Variants in TAF5L observed in about 807,000 individuals in gnomAD.
TAF5L encodes TATA-box binding protein associated factor 5 like.
Under a neutral mutation model 51.3 loss-of-function variants are expected in TAF5L, and 7 were observed. The ratio of observed to expected loss-of-function variants is 0.14; its 90% CI spans 0.08 to 0.26. The LOEUF (loss-of-function observed/expected upper bound fraction) is 0.26, where lower values mean the gene tolerates loss of function less well. Ranked by LOEUF, TAF5L falls within the 10% of genes least tolerant of loss-of-function variation. The pLI, the probability that TAF5L is intolerant of heterozygous loss-of-function variation, is 1.00. For synonymous variants in TAF5L, 291 were observed against 308.1 expected, an observed-to-expected ratio of 0.94 and a Z score of 0.58; for missense variants, 575 against 758.9, an observed-to-expected ratio of 0.76 and a Z score of 2.85.
chr1:229,611,917 G>A (rs1285449772), intron 2 of TAF5L, among the ~76,000 whole-genome samples: 2 of 152,136 alleles, frequency 1.3e-5, no homozygotes, highest in Admixed American at 1.3e-4. Flanking sequence ...GAATCACAAG[G>A]CCTTTTGGGG....
intron 3 of TAF5L, chr1:229,606,439 G>A (rs1215425872): frequency 4.1e-6 from 4 of 985,180 alleles, no homozygotes; most frequent in Non-Finnish European, 2.4e-6. Flanking sequence ...CTCTACTGGC[G>A]GTAAATGAGA....
chr1:229,599,942 A>G, intron 4 of TAF5L: 2 of 985,438 alleles, frequency 2.0e-6, no homozygotes, highest in Non-Finnish European at 2.4e-6. Flanking sequence ...GTGATTTTGT[A>G]CTTTCTATCA....
chr1:229,596,704 A>G (rs1209622678), intron 4 of TAF5L, among the ~76,000 whole-genome samples: 1 of 152,208 alleles, frequency 6.6e-6, no homozygotes, highest in African/African-American at 2.4e-5. Context: ...TTATTCCCAC[A>G]TAGATAAACT....
exon 5 of TAF5L, chr1:229,593,568 G>A (rs1448292401): frequency 6.6e-6 from 1 of 151,876 alleles, no homozygotes; most frequent in African/African-American, 2.4e-5. Flanking sequence ...TGTCAGCCAG[G>A]GTGATCAATC....
Position 229,602,555 on chromosome 1 carries a change from T to A in TAF5L, c.612A>T (p.Arg204Ser). 6.2e-7 allele frequency: 1 copy of A among 1,614,180 alleles called. No homozygotes were observed. Among genetic ancestry groups the A allele is most frequent in the Non-Finnish European group, 8.5e-7 (1 of 1,180,012 alleles). The change falls in exon 4 of 5, where the codon AGA becomes AGT. Residue 204 changes from arginine (R) to serine (S), a missense_variant. Physicochemically the swap from Arg to Ser is moderately radical, Grantham distance 110. This residue lies in a region of TAF5L where 380 missense variants were observed against 443.7 expected (regional missense o/e 0.86). Coordinates refer to ENST00000258281, the Ensembl canonical transcript of TAF5L. This position sits in a 1 kb window ranked among gnomAD's most constrained non-coding sequence, Gnocchi z 4.6. ...CACTGGCATACAGCTGATAGTCTGT[T>A]CTCTTGGCAGGCTGCACGTCAAGAT...
At chr1:229,605,299 C>T (rs1398793273) in intron 3 of TAF5L, among the ~76,000 whole-genome samples, 1 of 152,122 alleles carries the variant, frequency 6.6e-6, no homozygotes, top group Non-Finnish European at 1.5e-5. Context: ...GTATTGTTAA[C>T]TTTACCTCAC....
chr1:229,612,988 A>AT (rs75367032), intron 2 of TAF5L, among the ~76,000 whole-genome samples: 42,338 of 151,658 alleles, frequency 0.28, 6,149 homozygotes, highest in South Asian at 0.41. Flanking sequence ...TATCCCAGCA[A>AT]TTTTTTTCCC....
intron 2 of TAF5L, 100 bp downstream of exon 2, chr1:229,614,241 T>A (rs781699246): frequency 3.7e-6 from 6 of 1,606,128 alleles, no homozygotes; most frequent in Non-Finnish European, 5.1e-6. Flanking sequence ...GTCTGCTCTC[T>A]CTGGCACTGT....
At chr1:229,595,182 AAGT>A in intron 4 of TAF5L, 88 bp from the exon 5 acceptor site, 1 of 1,406,248 alleles carries the variant, frequency 7.1e-7, no homozygotes, top group Non-Finnish European at 9.6e-7. Flanking sequence ...GGAGAAAAAA[AAGT>A]AGAGAACTGA....
At chr1:229,599,290 C>A in intron 4 of TAF5L, 1 of 669,376 alleles carries the variant, frequency 1.5e-6, no homozygotes, top group Non-Finnish European at 1.8e-6. Context: ...TTTTTTTAAA[C>A]TGAGATATAA....
At chr1:229,616,111 T>C (rs1191128088) in intron 1 of TAF5L, among the ~76,000 whole-genome samples, 2 of 152,088 alleles carry the variant, frequency 1.3e-5, no homozygotes, top group African/African-American at 4.8e-5. Context: ...ACCTCCTGGG[T>C]TCAAGTGATT....
intron 3 of TAF5L, among the ~76,000 whole-genome samples, chr1:229,608,807 C>G (rs1010432159): frequency 6.6e-6 from 1 of 151,980 alleles, no homozygotes; most frequent in African/African-American, 2.4e-5. Context: ...TTGAAACCAG[C>G]CTGGGCAACA....
rs1571823695 is a variant in TAF5L at position 229,594,061 on chromosome 1, C to T, written c.*236G>A. On this transcript the variant is annotated 3_prime_UTR_variant, in exon 5 of 5. Coordinates refer to ENST00000258281, the Ensembl canonical transcript of TAF5L. This position sits in a 1 kb window ranked among gnomAD's most constrained non-coding sequence, Gnocchi z 7.9. The stretch of plus-strand genomic sequence containing the variant: ...AGTCTCCATGAGGACTTGTGAGTGA[C>T]CTCCAGGGCACTCTAATTCTTGATC... 1.8e-5 allele frequency: 9 copies of T among 494,330 alleles called. No homozygotes were observed. In the East Asian group the frequency reaches 3.4e-4, roughly 19 times the overall value. The allele number at this position is 494,330 out of a possible 1,614,324, so 30.6% of individuals were successfully genotyped here. A position where few individuals can be genotyped will look rare whatever the true frequency, so the allele number is the denominator to read the frequency against.
At chr1:229,599,097 C>T (rs900481799) in intron 4 of TAF5L, 1 of 201,816 alleles carries the variant, frequency 5.0e-6, no homozygotes, top group South Asian at 1.7e-4. Context: ...CTGCTCATAC[C>T]AAGGTAAAAA....
At position 229,614,545 on chromosome 1, in the gene TAF5L, T is replaced by A; in HGVS notation, c.-3-60A>T. 3.1e-6 allele frequency: 5 copies of A among 1,593,200 alleles called. No homozygotes were observed. In the South Asian group the frequency reaches 5.7e-5, roughly 18 times the overall value. On this transcript the variant is annotated intron_variant, in intron 1 of 4. Coordinates refer to ENST00000258281, the Ensembl canonical transcript of TAF5L. Reference sequence around the variant, plus strand: ...CAGGGGCCTGGGAGAGCAACCTATCTAACTGCACCATCGCAGATGGGTAGG... The same window carrying A: ...CAGGGGCCTGGGAGAGCAACCTATCAAACTGCACCATCGCAGATGGGTAGG...
chr1:229,613,329 C>CA (rs567436350), intron 2 of TAF5L, among the ~76,000 whole-genome samples: 13,417 of 84,140 alleles, frequency 0.16, 1,384 homozygotes, highest in East Asian at 0.43. Flanking sequence ...GACTCTGTCT[C>CA]AAAAAAAAAA....
chr1:229,599,727 A>T lies in TAF5L; in HGVS notation c.972+2468T>A, dbSNP rs372316766. The T allele has an allele frequency of 3.7e-6, 3 of 811,612 alleles. No individual in the cohort carries two copies. The African/African-American group carries it at 5.6e-5, about 15-fold the overall frequency. The allele number at this position is 811,612 out of a possible 1,614,324, so 50.3% of individuals were successfully genotyped here. A position where few individuals can be genotyped will look rare whatever the true frequency, so the allele number is the denominator to read the frequency against. ...TTTCCACTTTTTGGCTATTGTGAAT[A>T]ATGCTTCCATAAATATTCATGTACA... On this transcript the variant is annotated intron_variant, in intron 4 of 4. Coordinates refer to ENST00000258281, the Ensembl canonical transcript of TAF5L.
At chr1:229,599,269 T>C (rs1243787106) in intron 4 of TAF5L, 21 of 854,406 alleles carry the variant, frequency 2.5e-5, no homozygotes, top group Non-Finnish European at 2.7e-5. Context: ...TGGTTACTGT[T>C]ATCCTGTTTT....
Position 229,625,392 on chromosome 1 carries a change from G to A in TAF5L, c.-4+493C>T, listed in dbSNP as rs1274736546. 6.6e-6 allele frequency among the ~76,000 whole-genome samples: 1 copy of A among 151,986 alleles called. No homozygotes were observed. The highest frequency in any genetic ancestry group is 2.4e-5 in the African/African-American group (1 of 41,380). On this transcript the variant is annotated intron_variant, in intron 1 of 4. Coordinates refer to ENST00000258281, the Ensembl canonical transcript of TAF5L. This position sits in a 1 kb window ranked among gnomAD's most constrained non-coding sequence, Gnocchi z 4.0. Reference sequence around the variant, plus strand: ...TAACTCTGGCTCCCCCGTGTCACACGCGGAGATCGACTCCACACCCACCCA... The same window carrying A: ...TAACTCTGGCTCCCCCGTGTCACACACGGAGATCGACTCCACACCCACCCA...
Sources: allele counts gnomAD v4.1 joint callset (sites outside exome capture counted in the v4.1 genomes callset), GRCh38; gene constraint gnomAD v4.1.1; regional missense constraint gnomAD v4.1.1; non-coding constraint Gnocchi (gnomAD v3.1); transcripts MANE v1.5; gene names NCBI Gene and HGNC (gene_info 2026-07-23, HGNC 2026-07-21).